Variants in UBE4B observed in about 807,000 individuals in gnomAD.
The protein encoded by UBE4B is ubiquitination factor E4B, also known as ubiquitin conjugation factor E4 B.
UBE4B carries 27 observed loss-of-function variants against 148.1 expected under a neutral mutation model. The ratio of observed to expected loss-of-function variants is 0.18; its 90% CI spans 0.13 to 0.25. The LOEUF is 0.25. UBE4B is among the 10% of genes least tolerant of loss of function. UBE4B has a pLI of 1.00. For missense variants in UBE4B, 1,170 were observed against 1,662.4 expected, an observed-to-expected ratio of 0.70 and a Z score of 5.15; for synonymous variants, 596 against 619.3, an observed-to-expected ratio of 0.96 and a Z score of 0.56.
intron 11 of UBE4B, among the ~76,000 whole-genome samples, chr1:10,127,274 T>C (rs1037193099): frequency 6.6e-6 from 1 of 152,176 alleles, no homozygotes; most frequent in Non-Finnish European, 1.5e-5. Context: ...TGAATACAAT[T>C]TTATCTTTAT....
At chr1:10,104,502 G>C (rs1235470448) in intron 5 of UBE4B, among the ~76,000 whole-genome samples, 1 of 152,026 alleles carries the variant, frequency 6.6e-6, no homozygotes, top group Non-Finnish European at 1.5e-5. Context: ...GATTTTAAAT[G>C]GATGCGTGAA....
chr1:10,040,621 C>CT (rs1185644090), intron 1 of UBE4B, among the ~76,000 whole-genome samples: 5,036 of 141,070 alleles, frequency 0.036, 212 homozygotes, highest in African/African-American at 0.11. Flanking sequence ...CTTCTTTTTT[C>CT]TTTTTTTTTT....
chr1:10,151,824 G>T (rs1370427800), intron 21 of UBE4B, among the ~76,000 whole-genome samples: 7 of 152,058 alleles, frequency 4.6e-5, no homozygotes, highest in Non-Finnish European at 1.5e-5. Context: ...GAGACCCAGG[G>T]TATCAAGAGC....
chr1:10,101,533 G>C (rs1645012526), intron 4 of UBE4B, among the ~76,000 whole-genome samples: 1 of 106,676 alleles, frequency 9.4e-6, no homozygotes, highest in South Asian at 3.2e-4. Context: ...TTTTGAGACA[G>C]AGTCTCGCTC....
Position 10,105,303 on chromosome 1 carries a change from T to C in UBE4B, c.581-213T>C, listed in dbSNP as rs1009221061. On this transcript the variant is annotated intron_variant, in intron 5 of 27. Transcript: ENST00000343090. ...CCCAGTTTCCCCTGACGTTAATATC[T>C]TATATAACCATGGTACATTTGTCAA... Among the ~76,000 whole-genome samples the C allele has an allele frequency of 3.3e-5, 5 of 152,312 alleles. No individual in the cohort carries two copies. The East Asian group carries it at 9.6e-4, about 29-fold the overall frequency.
chr1:10,044,570 T>TTCCTTCCTTCCC (rs1557507201), intron 1 of UBE4B, among the ~76,000 whole-genome samples: 2 of 151,914 alleles, frequency 1.3e-5, no homozygotes, highest in Non-Finnish European at 2.9e-5. Context: ...CCTTCCTTCC[T>TTCCTTCCTTCCC]TCCCTCCCTC....
chr1:10,058,160 G>C (rs1392256920), intron 1 of UBE4B, among the ~76,000 whole-genome samples: 3 of 152,208 alleles, frequency 2.0e-5, no homozygotes, highest in African/African-American at 7.2e-5. Flanking sequence ...ATACTTTAGG[G>C]TTTTGATTTG....
At chr1:10,058,150 A>T (rs940954162) in intron 1 of UBE4B, among the ~76,000 whole-genome samples, 1 of 152,212 alleles carries the variant, frequency 6.6e-6, no homozygotes, top group Admixed American at 6.5e-5. Context: ...AAAGCACTAG[A>T]TACTTTAGGG....
At chr1:10,111,428 C>T (rs968897849) in intron 7 of UBE4B, among the ~76,000 whole-genome samples, 1 of 152,068 alleles carries the variant, frequency 6.6e-6, no homozygotes, top group Non-Finnish European at 1.5e-5. Context: ...GCTGTATGGC[C>T]GGCTCCCTCA....
At chr1:10,167,566 T>C (rs1001950604) in intron 23 of UBE4B, among the ~76,000 whole-genome samples, 2 of 150,652 alleles carry the variant, frequency 1.3e-5, no homozygotes, top group East Asian at 3.9e-4. Context: ...TCTTATTTCA[T>C]CCTGAATAGA....
At chr1:10,039,899 A>G (rs1643690525) in intron 1 of UBE4B, among the ~76,000 whole-genome samples, 5 of 152,086 alleles carry the variant, frequency 3.3e-5, no homozygotes, top group Admixed American at 2.0e-4. Context: ...GTGGAGTCCA[A>G]GGGAACTAAG....
At chr1:10,072,807 CT>C in intron 2 of UBE4B, 1 of 226,748 alleles carries the variant, frequency 4.4e-6, no homozygotes, top group African/African-American at 2.3e-5. Context: ...TCTCTTTTGT[CT>C]GTGAACTTTT....
At chr1:10,126,463 C>T (rs990696329) in intron 10 of UBE4B, among the ~76,000 whole-genome samples, 1 of 152,182 alleles carries the variant, frequency 6.6e-6, no homozygotes, top group African/African-American at 2.4e-5. Context: ...TTGAGTAGAG[C>T]AACGACTCCT....
chr1:10,064,003 G>A (rs1644337766), intron 1 of UBE4B, among the ~76,000 whole-genome samples: 1 of 151,960 alleles, frequency 6.6e-6, no homozygotes, highest in South Asian at 2.1e-4. Flanking sequence ...AACAAGTTCA[G>A]TGTCTTAGGA....
rs1193278015 is a variant in UBE4B at position 10,117,482 on chromosome 1, G to C, written c.1220G>C (p.Ser407Thr). 1 of 1,611,634 alleles carries C rather than the reference G, an allele frequency of 6.2e-7. No individual in the cohort carries two copies. Among genetic ancestry groups the C allele is most frequent in the Admixed American group, 1.7e-5 (1 of 58,904 alleles). The change falls in exon 8 of 28, where the codon AGT becomes ACT. Residue 407 changes from serine to threonine, a missense_variant. This residue lies in a region of UBE4B where 388 missense variants were observed against 536.0 expected (regional missense o/e 0.72). Transcript: ENST00000343090. ...SPSLGASGGA[S>T]NWDSYSDHFT... ...AGTTTGGGAGCCTCTGGTGGAGCAA[G>C]TAATTGGGATTCCTACAGTGACCAT...
chr1:10,175,722 C>G (rs1389011463), intron 25 of UBE4B, among the ~76,000 whole-genome samples: 2 of 152,044 alleles, frequency 1.3e-5, no homozygotes, highest in African/African-American at 4.8e-5. Flanking sequence ...ACACTTCCCC[C>G]ATGCAGTCAG....
chr1:10,078,075 T>A (rs13373975), intron 2 of UBE4B, among the ~76,000 whole-genome samples: 3,904 of 152,082 alleles, frequency 0.026, 162 homozygotes, highest in African/African-American at 0.09. Flanking sequence ...AGTGGCACGA[T>A]CTTGGCTCAC....
intron 25 of UBE4B, among the ~76,000 whole-genome samples, chr1:10,174,388 A>G (rs1335670163): frequency 2.0e-4 from 29 of 142,172 alleles, no homozygotes; most frequent in African/African-American, 5.6e-4. Flanking sequence ...GCAAGACTCC[A>G]TATCAAAAAA....
At chr1:10,087,626 A>G (rs1434657548) in intron 2 of UBE4B, among the ~76,000 whole-genome samples, 1 of 152,220 alleles carries the variant, frequency 6.6e-6, no homozygotes, top group Non-Finnish European at 1.5e-5. Flanking sequence ...GGGGAAGATT[A>G]TGTCACACAG....
Sources: gnomAD v4.1 joint callset for allele counts (sites outside exome capture counted in the v4.1 genomes callset) on GRCh38, gnomAD v4.1.1 for gene constraint, gnomAD v4.1.1 regional missense constraint, MANE v1.5 for transcripts, NCBI Gene and HGNC (gene_info 2026-07-23, HGNC 2026-07-21) for gene names.